Variants in CFAP57 observed in about 807,000 individuals in gnomAD.
CFAP57 encodes the protein cilia and flagella associated protein 57, also known as cilia- and flagella-associated protein 57.
A neutral mutation model predicts 146.8 loss-of-function variants in CFAP57; 116 were observed. The ratio of observed to expected loss-of-function variants is 0.79; its 90% CI spans 0.68 to 0.92. The LOEUF is 0.92. CFAP57 is among the 40% of genes least tolerant of loss of function. The probability of loss-of-function intolerance (pLI) is 0.00; values close to 1 mark genes in which losing one functional copy is unlikely to be tolerated. For synonymous variants in CFAP57, 518 were observed against 552.8 expected, an observed-to-expected ratio of 0.94 and a Z score of 0.88; for missense variants, 1,377 against 1,527.2, an observed-to-expected ratio of 0.90 and a Z score of 1.64.
At chr1:43,198,678 A>G (rs1276073115) in intron 8 of CFAP57, 32 bp downstream of exon 8, 1 of 1,611,388 alleles carries the variant, frequency 6.2e-7, no homozygotes, top group Non-Finnish European at 8.5e-7. Context: ...ACAAAAGTCC[A>G]GTTTCTTAGA....
Position 43,181,527 on chromosome 1 carries a change from T to A in CFAP57, c.158-7T>A. ...CCCTGATTATTTCCTTTTTCCTCTG[T>A]TTGCAGGCTCAGAGAAGAGTCAGGG... is the stretch of plus-strand genomic sequence containing the variant. On this transcript the variant is annotated splice_region_variant and splice_polypyrimidine_tract_variant and intron_variant, in intron 2 of 22. Transcript: ENST00000372492. 1.2e-6 allele frequency: 2 copies of A among 1,614,088 alleles called. No individual in the cohort carries two copies. The highest frequency in any genetic ancestry group is 1.7e-6 in the Non-Finnish European group (2 of 1,180,038).
At chr1:43,221,758 G>T (rs892031764) in intron 14 of CFAP57, among the ~76,000 whole-genome samples, 2 of 152,158 alleles carry the variant, frequency 1.3e-5, no homozygotes, top group Non-Finnish European at 2.9e-5. Flanking sequence ...CAGGTGCTCT[G>T]GGGAGTCACC....
intron 4 of CFAP57, chr1:43,184,880 G>T: frequency 4.9e-6 from 2 of 406,998 alleles, no homozygotes; most frequent in Non-Finnish European, 9.2e-6. Context: ...CAGACTTCTT[G>T]GTTTGGCCCA....
At chr1:43,197,229 C>T (rs985853806) in intron 6 of CFAP57, among the ~76,000 whole-genome samples, 10 of 151,934 alleles carry the variant, frequency 6.6e-5, no homozygotes, top group African/African-American at 2.2e-4. Context: ...TGGTGGCAGG[C>T]GCCTGCAGTC....
At chr1:43,200,367 G>T (rs1013191771) in intron 9 of CFAP57, among the ~76,000 whole-genome samples, 1 of 151,670 alleles carries the variant, frequency 6.6e-6, no homozygotes. Context: ...CACACCTGTG[G>T]TCCCAGTTAC....
chr1:43,245,552 C>T (rs1173622821), intron 22 of CFAP57, among the ~76,000 whole-genome samples: 1 of 152,146 alleles, frequency 6.6e-6, no homozygotes, highest in East Asian at 1.9e-4. Context: ...AACATACCCC[C>T]ACCCCGACCC....
chr1:43,236,248 C>CA (rs1310187840), intron 21 of CFAP57, among the ~76,000 whole-genome samples: 1 of 151,700 alleles, frequency 6.6e-6, no homozygotes, highest in African/African-American at 2.4e-5. Context: ...AGAAGGGGCC[C>CA]AGGGTGGGGG....
chr1:43,174,517 GC>G (rs1645096053), intron 2 of CFAP57, among the ~76,000 whole-genome samples: 1 of 152,216 alleles, frequency 6.6e-6, no homozygotes, highest in East Asian at 1.9e-4. Flanking sequence ...TTGATTAGGG[GC>G]AATAAAAATG....
intron 19 of CFAP57, 54 bp from the exon 20 acceptor site, chr1:43,234,225 G>A (rs1054922202): frequency 3.7e-5 from 54 of 1,451,546 alleles, no homozygotes; most frequent in Admixed American, 7.7e-5. Flanking sequence ...TGCAGCCCCC[G>A]CCCCTCCACC....
chr1:43,232,484 A>G, intron 18 of CFAP57, 24 bp from the exon 19 acceptor site: 1 of 1,534,784 alleles, frequency 6.5e-7, no homozygotes, highest in Non-Finnish European at 8.8e-7. Context: ...CTTCTTCTTG[A>G]CTCTTTTCCC....
chr1:43,249,539 C>T (rs1161167895), intron 22 of CFAP57, among the ~76,000 whole-genome samples: 1 of 140,584 alleles, frequency 7.1e-6, no homozygotes, highest in African/African-American at 2.6e-5. Context: ...AAGCAATTCT[C>T]CTGCCTCAGC....
chr1:43,194,073 G>T (rs1472079392), intron 6 of CFAP57, among the ~76,000 whole-genome samples: 1 of 152,030 alleles, frequency 6.6e-6, no homozygotes, highest in Admixed American at 6.6e-5. Context: ...GTTTTGTGTG[G>T]ATTTGAATTA....
At chr1:43,187,632 C>T (rs1325197536) in intron 6 of CFAP57, among the ~76,000 whole-genome samples, 3 of 151,254 alleles carry the variant, frequency 2.0e-5, no homozygotes, top group Admixed American at 1.3e-4. Flanking sequence ...TACCCTTTAG[C>T]TATTATTATT....
At chr1:43,236,517 T>G (rs1570303610) in intron 21 of CFAP57, among the ~76,000 whole-genome samples, 2 of 113,592 alleles carry the variant, frequency 1.8e-5, no homozygotes, top group African/African-American at 3.4e-5. Context: ...AACCTGAGAG[T>G]GGGGGGTTCC....
Position 43,216,653 on chromosome 1 carries a change from C to A in CFAP57, c.2091+1237C>A, listed in dbSNP as rs139207184. Reference sequence around the variant, plus strand: ...TTGAAACTCCCTTCTGTCTTACCATCCTTGTGACCACACTCTGTTCCCTGA... The same window carrying A: ...TTGAAACTCCCTTCTGTCTTACCATACTTGTGACCACACTCTGTTCCCTGA... On this transcript the variant is annotated intron_variant, in intron 12 of 22. Transcript: ENST00000372492. 7.9e-5 allele frequency among the ~76,000 whole-genome samples: 12 copies of A among 152,258 alleles called. 1 individual carries two copies. The East Asian group carries it at 2.3e-3, about 30-fold the overall frequency.
At chr1:43,203,841 C>T (rs1644239962) in intron 9 of CFAP57, among the ~76,000 whole-genome samples, 2 of 152,164 alleles carry the variant, frequency 1.3e-5, no homozygotes, top group African/African-American at 2.4e-5. Context: ...ATTTATCCTA[C>T]TTGGAGTTTA....
intron 6 of CFAP57, among the ~76,000 whole-genome samples, chr1:43,193,976 T>C (rs567650755): frequency 5.3e-5 from 8 of 152,152 alleles, no homozygotes; most frequent in Admixed American, 1.3e-4. Context: ...TGCATATTGT[T>C]TCCTACAATT....
intron 9 of CFAP57, among the ~76,000 whole-genome samples, chr1:43,204,933 G>A (rs562152178): frequency 2.0e-4 from 30 of 152,294 alleles, no homozygotes; most frequent in Non-Finnish European, 3.7e-4. Flanking sequence ...ATGCCCCTGG[G>A]TCGGGAGAGC....
intron 13 of CFAP57, 69 bp downstream of exon 13, chr1:43,219,606 T>C: frequency 1.3e-6 from 2 of 1,506,000 alleles, no homozygotes; most frequent in Non-Finnish European, 1.8e-6. Context: ...AGGACTGGCA[T>C]ATACTGCCCA....
Sources: gnomAD v4.1 joint callset for allele counts (sites outside exome capture counted in the v4.1 genomes callset) on GRCh38, gnomAD v4.1.1 for gene constraint, MANE v1.5 for transcripts, NCBI Gene and HGNC (gene_info 2026-07-23, HGNC 2026-07-21) for gene names.